The following ZNF3 variants were observed in gnomAD, a reference collection of about 807,000 sequenced individuals.
ZNF3 encodes the protein zinc finger protein 3.
A neutral mutation model predicts 36.9 loss-of-function variants in ZNF3; 16 were observed. That is an observed-to-expected ratio of 0.43 (90% confidence interval 0.29 to 0.66). The LOEUF (loss-of-function observed/expected upper bound fraction) is 0.66, where lower values mean the gene tolerates loss of function less well. Among genes scored for constraint, ZNF3 ranks in the 30% least tolerant of loss-of-function variants. The pLI, the probability that ZNF3 is intolerant of heterozygous loss-of-function variation, is 0.13. For missense variants in ZNF3, 462 were observed against 543.1 expected (o/e 0.85, Z 1.48); for synonymous variants, 201 against 201.9 (o/e 1.00, Z 0.04).
At chr7:100,064,973 T>G, downstream of ZNF3, 2 of 1,592,584 alleles carry the variant, frequency 1.3e-6, no homozygotes, top group Non-Finnish European at 1.7e-6. Context: ...GAATTTTAAT[T>G]TGTAAAGAAT....
At position 100,071,019 on chromosome 7, in the gene ZNF3, GC is replaced by G. The variant is rs2116259930; in HGVS notation, c.*123del. The G allele has an allele frequency of 1.3e-6, 2 of 1,492,018 alleles. No homozygotes were observed. The highest frequency in any genetic ancestry group is 4.6e-5 in the East Asian group (2 of 43,564). 92.4% of individuals were successfully genotyped at this position (1,492,018 alleles called of 1,614,324 possible). On this transcript the variant is annotated 3_prime_UTR_variant, in exon 6 of 6. Coordinates refer to ENST00000299667, the MANE Select transcript of ZNF3 (RefSeq NM_032924.5). ...GAAAATTCAACGATTTGCCCCATCT[GC>G]CCCATTCTCTAAAATGAAAAGTCTG... is the stretch of plus-strand genomic sequence containing the variant.
chr7:100,064,591 C>G (rs1388567396), exon 6 of ZNF3: 1 of 1,614,060 alleles, frequency 6.2e-7, no homozygotes, highest in African/African-American at 1.3e-5. Flanking sequence ...TCAGCGAGTC[C>G]ACACTGGAGA....
At position 100,072,151 on chromosome 7, in the gene ZNF3, G is replaced by A. The variant is rs1306837339; in HGVS notation, c.333C>T (p.Val111=). The change falls in exon 6 of 6, where the codon GTC becomes GTT. Residue 111 remains valine (V), a synonymous_variant. Transcript: ENST00000299667. ...EISEDTRSHG[V]LLGRFQKDIS... is the part of the protein sequence containing the mutation. ...TATCCTTTTGAAATCTTCCCAGTAG[G>A]ACCCCATGTGATCTTGTGTCTTCAG... is the stretch of plus-strand genomic sequence containing the variant. 1 of 1,610,498 alleles carries A rather than the reference G, an allele frequency of 6.2e-7. No homozygotes were observed. Among genetic ancestry groups the A allele is most frequent in the South Asian group, 1.1e-5 (1 of 90,144 alleles).
At position 100,070,917 on chromosome 7, in the gene ZNF3, T is replaced by C. The variant is rs1793027857; in HGVS notation, c.*226A>G. 2 of 1,332,496 alleles carry C rather than the reference T, an allele frequency of 1.5e-6. No homozygotes were observed. The highest frequency in any genetic ancestry group is 1.9e-6 in the Non-Finnish European group (2 of 1,045,838). The allele number at this position is 1,332,496 out of a possible 1,614,324, so 82.5% of individuals were successfully genotyped here. A position where few individuals can be genotyped will look rare whatever the true frequency, so the allele number is the denominator to read the frequency against. On this transcript the variant is annotated 3_prime_UTR_variant, in exon 6 of 6. Transcript: ENST00000299667. ...AAACTCCTTTCCTAAATGGGGTAAC[T>C]GGTCCCAGAGCTGCTTTCTATTCCC...
chr7:100,066,176 T>C (rs1255606194), downstream of ZNF3, among the ~76,000 whole-genome samples: 2 of 152,058 alleles, frequency 1.3e-5, no homozygotes, highest in Non-Finnish European at 2.9e-5. Context: ...TCATCAACTC[T>C]TGGGATTTTT....
exon 6 of ZNF3, chr7:100,064,106 C>T (rs779882476): frequency 1.2e-6 from 2 of 1,614,138 alleles, no homozygotes; most frequent in South Asian, 1.1e-5. Context: ...GGGGAGAAAC[C>T]TTACGTGTGC....
rs1357884078 is a variant in ZNF3 at position 100,071,060 on chromosome 7, C to T, written c.*83G>A. The stretch of plus-strand genomic sequence containing the variant: ...TGAAAAGTCTGAGTTGAAAGGGACA[C>T]ATCCTAAGCTGTTGAGATTTATAGG... On this transcript the variant is annotated 3_prime_UTR_variant, in exon 6 of 6. Transcript: ENST00000299667. 6.6e-7 allele frequency: 1 copy of T among 1,513,166 alleles called. No individual in the cohort carries two copies. The highest frequency in any genetic ancestry group is 1.4e-5 in the African/African-American group (1 of 71,600). The allele number at this position is 1,513,166 out of a possible 1,614,324, so 93.7% of individuals were successfully genotyped here. A position where few individuals can be genotyped will look rare whatever the true frequency, so the allele number is the denominator to read the frequency against.
chr7:100,071,514 T>A lies in ZNF3; in HGVS notation c.970A>T (p.Ser324Cys). 6.2e-7 allele frequency: 1 copy of A among 1,614,092 alleles called. No homozygotes were observed. The highest frequency in any genetic ancestry group is 8.5e-7 in the Non-Finnish European group (1 of 1,180,010). ...CNECGKAFSR[S>C]STLIHHQRIH... ...CTCTGATGGTGAATAAGGGTTGAGCTCCTGCTGAAGGCCTTCCCACATTCA... is the reference window on the plus strand; with the variant it reads ...CTCTGATGGTGAATAAGGGTTGAGCACCTGCTGAAGGCCTTCCCACATTCA... The change falls in exon 6 of 6, where the codon AGC becomes TGC. Residue 324 changes from serine to cysteine, a missense_variant. Coordinates refer to ENST00000299667, the MANE Select transcript of ZNF3 (RefSeq NM_032924.5).
chr7:100,076,573 T>G (rs1482811177), intron 3 of ZNF3, among the ~76,000 whole-genome samples: 2 of 152,182 alleles, frequency 1.3e-5, no homozygotes, highest in Non-Finnish European at 2.9e-5. Flanking sequence ...ATTACAGAAG[T>G]GAGCCACCGC....
intron 5 of ZNF3, among the ~76,000 whole-genome samples, chr7:100,073,730 G>C (rs1393274517): frequency 1.3e-5 from 2 of 152,148 alleles, no homozygotes; most frequent in Admixed American, 1.3e-4. Flanking sequence ...CTAGAAGTTA[G>C]AGAAGGGGAG....
At chr7:100,079,952 C>T (rs1352793937) in intron 1 of ZNF3, among the ~76,000 whole-genome samples, 1 of 152,128 alleles carries the variant, frequency 6.6e-6, no homozygotes, top group African/African-American at 2.4e-5. Context: ...ATTCTCCCAC[C>T]TCAGCCTCCC....
intron 5 of ZNF3, among the ~76,000 whole-genome samples, chr7:100,073,359 T>C (rs370222379): frequency 1.3e-5 from 2 of 152,252 alleles, no homozygotes; most frequent in Admixed American, 6.5e-5. Context: ...TTTTTTGTTT[T>C]TGTTTTTGAG....
intron 1 of ZNF3, among the ~76,000 whole-genome samples, chr7:100,080,664 T>A (rs1246260186): frequency 6.6e-6 from 1 of 152,016 alleles, no homozygotes; most frequent in Non-Finnish European, 1.5e-5. Flanking sequence ...ATACAAAAAA[T>A]TCGCCGGAGG....
chr7:100,067,931 T>C (rs554195789), downstream of ZNF3, among the ~76,000 whole-genome samples: 95 of 152,336 alleles, frequency 6.2e-4, 3 homozygotes, highest in South Asian at 0.019. Flanking sequence ...ATTTTGATCC[T>C]GACAGGTTTA....
Position 100,072,077 on chromosome 7 carries a change from AGACT to A in ZNF3, c.403_406del (p.Ser135Ter). 1 of 1,614,188 alleles carries A rather than the reference AGACT, an allele frequency of 6.2e-7. No homozygotes were observed. Among genetic ancestry groups the A allele is most frequent in the Non-Finnish European group, 8.5e-7 (1 of 1,180,038 alleles). On this transcript the variant is annotated frameshift_variant, in exon 6 of 6. Coordinates refer to ENST00000299667, the MANE Select transcript of ZNF3 (RefSeq NM_032924.5). LOFTEE classifies it high-confidence loss of function. ...AGGGGAGTTCCCCAGCGGCCTTTTC[AGACT>A]GACTTCTCGTTCATAGGCTTCTTTA...
intron 5 of ZNF3, 84 bp downstream of exon 5, chr7:100,075,051 T>A: frequency 1.3e-6 from 2 of 1,499,318 alleles, no homozygotes; most frequent in Non-Finnish European, 1.8e-6. Flanking sequence ...CTGAAACAGC[T>A]CTTTTCAGTG....
rs182611833 is a variant in ZNF3, at chr7:100,072,090, G to T, written c.394C>A (p.Arg132=). The T allele has an allele frequency of 8.0e-5, 129 of 1,614,132 alleles. 1 individual carries two copies. In the African/African-American group the frequency reaches 1.4e-3, roughly 18 times the overall value. Residue 132 remains arginine, a synonymous_variant, in exon 6 of 6, where the codon CGA becomes AGA. Coordinates refer to ENST00000299667, the MANE Select transcript of ZNF3 (RefSeq NM_032924.5). ...QGLKFKEAYE[R]EVSLKRPLGN... ...AGCGGCCTTTTCAGACTGACTTCTC[G>T]TTCATAGGCTTCTTTAAACTTGAGA...
chr7:100,071,150 G>C lies in ZNF3; in HGVS notation c.1334C>G (p.Ser445Cys). The C allele has an allele frequency of 6.3e-7, 1 of 1,583,714 alleles. No homozygotes were observed. The change falls in exon 6 of 6, where the codon TCC becomes TGC. Residue 445 changes from serine (S) to cysteine (C), a missense_variant. Ser to Cys is a moderately radical substitution (Grantham distance 112). Coordinates refer to ENST00000299667, the MANE Select transcript of ZNF3 (RefSeq NM_032924.5). ...AATGGGTGTGTGGCTCTTTCACGTG[G>C]ACTCTCTGATATTTAACTCGGTCGT... ...RVTTELNIRE[S>C]T
At chr7:100,072,695 C>T (rs1178424738) in intron 5 of ZNF3, among the ~76,000 whole-genome samples, 2 of 152,122 alleles carry the variant, frequency 1.3e-5, no homozygotes, top group Non-Finnish European at 2.9e-5. Flanking sequence ...GCTGCCATGG[C>T]CCCATAAGAA....
Sources: gnomAD v4.1 joint callset for allele counts (sites outside exome capture counted in the v4.1 genomes callset) on GRCh38, gnomAD v4.1.1 for gene constraint, MANE v1.5 for transcripts, NCBI Gene and HGNC (gene_info 2026-07-23, HGNC 2026-07-21) for gene names.